The following IHO1 variants were observed in gnomAD, a reference collection of about 807,000 sequenced individuals.
IHO1 encodes interactor of HORMAD1 protein 1.
Under a neutral mutation model 31.0 loss-of-function variants are expected in IHO1, and 13 were observed. The observed-to-expected ratio is 0.42, with a 90% confidence interval of 0.27 to 0.67. The LOEUF (loss-of-function observed/expected upper bound fraction) is 0.67. IHO1 is among the 30% of genes least tolerant of loss of function. The pLI is 0.24. For missense variants in IHO1, 599 were observed against 687.5 expected (o/e 0.87, Z 1.44); for synonymous variants, 221 against 248.4 (o/e 0.89, Z 1.04).
At chr3:49,204,952 C>T (rs965382787) in intron 1 of IHO1, among the ~76,000 whole-genome samples, 7 of 151,526 alleles carry the variant, frequency 4.6e-5, no homozygotes, top group South Asian at 2.1e-4. Context: ...CACTTGAACC[C>T]GGAAGGCGGA....
At chr3:49,230,756 C>A (rs928405944) in intron 2 of IHO1, among the ~76,000 whole-genome samples, 17 of 152,066 alleles carry the variant, frequency 1.1e-4, no homozygotes, top group Admixed American at 1.1e-3. Flanking sequence ...TACTATTGTG[C>A]CACAGAAAGT....
At chr3:49,255,257 A>T (rs2046808845) in intron 6 of IHO1, 133 bp from the exon 7 acceptor site, 1 of 561,844 alleles carries the variant, frequency 1.8e-6, no homozygotes, top group African/African-American at 2.0e-5. Flanking sequence ...GAGGGAGGGA[A>T]GGAGAGCCTG....
intron 2 of IHO1, among the ~76,000 whole-genome samples, chr3:49,229,070 G>A (rs558463733): frequency 9.2e-5 from 14 of 151,792 alleles, no homozygotes; most frequent in South Asian, 2.1e-4. Context: ...TGATTGGTGC[G>A]TTTACAATCC....
chr3:49,243,211 T>G (rs1025718054), intron 4 of IHO1, among the ~76,000 whole-genome samples: 3 of 152,040 alleles, frequency 2.0e-5, no homozygotes, highest in Non-Finnish European at 4.4e-5. Flanking sequence ...GGCAAGATCT[T>G]GGCTCACTGT....
upstream of IHO1, among the ~76,000 whole-genome samples, chr3:49,198,068 C>A (rs1310126418): frequency 6.6e-6 from 1 of 152,126 alleles, no homozygotes; most frequent in Non-Finnish European, 1.5e-5. Context: ...AGTATGTATT[C>A]TTTTGTGTTT....
chr3:49,249,238 T>C (rs2046731993), intron 6 of IHO1, among the ~76,000 whole-genome samples: 1 of 152,146 alleles, frequency 6.6e-6, no homozygotes, highest in South Asian at 2.1e-4. Context: ...AGTCTGGTGA[T>C]AAATTATAAA....
chr3:49,199,506 A>C lies in IHO1; in HGVS notation c.-83A>C, dbSNP rs550525837. 1 of 149,906 alleles carries C rather than the reference A, an allele frequency of 6.7e-6. No individual in the cohort carries two copies. The highest frequency in any genetic ancestry group is 2.5e-5 in the African/African-American group (1 of 40,738). The allele number at this position is 149,906 out of a possible 1,614,324, so 9.3% of individuals were successfully genotyped here. A position where few individuals can be genotyped will look rare whatever the true frequency, so the allele number is the denominator to read the frequency against. ...GGGCCGCGCGTGCCGTTGCAGAGGCAGCGGGACGCGGCCACCTCGAAGCCA... is the reference window on the plus strand; with the variant it reads ...GGGCCGCGCGTGCCGTTGCAGAGGCCGCGGGACGCGGCCACCTCGAAGCCA... On this transcript the variant is annotated 5_prime_UTR_variant, in exon 1 of 8. Transcript: ENST00000452691.
chr3:49,211,597 T>G (rs1014010039), intron 1 of IHO1, among the ~76,000 whole-genome samples, 169 bp from the exon 2 acceptor site: 1 of 150,548 alleles, frequency 6.6e-6, no homozygotes, highest in Admixed American at 6.7e-5. Context: ...CACTCCAGAC[T>G]GGGTGACAAG....
chr3:49,240,878 A>C (rs1322428754), intron 3 of IHO1, among the ~76,000 whole-genome samples: 1 of 152,220 alleles, frequency 6.6e-6, no homozygotes, highest in Non-Finnish European at 1.5e-5. Context: ...AGCAACAGCA[A>C]TTTGAGTTAA....
intron 2 of IHO1, among the ~76,000 whole-genome samples, chr3:49,227,488 C>G (rs574941731): frequency 6.6e-6 from 1 of 152,164 alleles, no homozygotes; most frequent in Non-Finnish European, 1.5e-5. Context: ...GACGCAGCAG[C>G]AGAAACAGTA....
chr3:49,236,754 C>A, intron 3 of IHO1, 32 bp downstream of exon 3: 1 of 1,584,202 alleles, frequency 6.3e-7, no homozygotes. Context: ...GATCTGCACA[C>A]ATTTCACAGT....
intron 2 of IHO1, among the ~76,000 whole-genome samples, chr3:49,222,344 C>A (rs138554265): frequency 6.6e-6 from 1 of 151,852 alleles, no homozygotes; most frequent in African/African-American, 2.4e-5. Context: ...TAATTAGGAG[C>A]TAGGGGAAGG....
At chr3:49,193,584 G>C (rs896587565), upstream of IHO1, among the ~76,000 whole-genome samples, 8 of 130,712 alleles carry the variant, frequency 6.1e-5, no homozygotes, top group African/African-American at 2.3e-4. Context: ...TCCCAGCTAC[G>C]CTACTTGGGA....
At chr3:49,244,604 G>A (rs777242881) in intron 5 of IHO1, 42 bp from the exon 6 acceptor site, 1 of 1,550,266 alleles carries the variant, frequency 6.5e-7, no homozygotes, top group South Asian at 1.1e-5. Context: ...AGTAGAATAA[G>A]GCAATAGCCT....
intron 2 of IHO1, among the ~76,000 whole-genome samples, chr3:49,226,573 A>C (rs1231755752): frequency 6.6e-6 from 1 of 152,180 alleles, no homozygotes; most frequent in African/African-American, 2.4e-5. Flanking sequence ...TCAAGGTCCC[A>C]GTGGGGATCC....
intron 2 of IHO1, among the ~76,000 whole-genome samples, chr3:49,232,346 G>A (rs1381758081): frequency 6.6e-6 from 1 of 152,202 alleles, no homozygotes; most frequent in Admixed American, 6.5e-5. Context: ...AATTTTTGGA[G>A]CCTGCCTAAA....
chr3:49,229,270 C>G (rs1436190959), intron 2 of IHO1, among the ~76,000 whole-genome samples: 2 of 152,210 alleles, frequency 1.3e-5, no homozygotes, highest in East Asian at 3.8e-4. Flanking sequence ...TTATGCTGCA[C>G]AAAAGCTGTG....
At chr3:49,201,583 A>G (rs2046070088) in intron 1 of IHO1, among the ~76,000 whole-genome samples, 1 of 151,744 alleles carries the variant, frequency 6.6e-6, no homozygotes, top group Non-Finnish European at 1.5e-5. Context: ...AGATCGCGCC[A>G]CTCCACTCCA....
At chr3:49,229,105 T>C (rs909901422) in intron 2 of IHO1, among the ~76,000 whole-genome samples, 1 of 152,218 alleles carries the variant, frequency 6.6e-6, no homozygotes, top group African/African-American at 2.4e-5. Context: ...TAGCGCTGAT[T>C]GGTGCGTTTT....
Sources: allele counts gnomAD v4.1 joint callset (sites outside exome capture counted in the v4.1 genomes callset), GRCh38; gene constraint gnomAD v4.1.1; transcripts MANE v1.5; gene names NCBI Gene and HGNC (gene_info 2026-07-23, HGNC 2026-07-21).